The following IL1RAPL2 variants were observed in gnomAD, a reference collection of about 807,000 sequenced individuals.
IL1RAPL2 encodes the protein interleukin 1 receptor accessory protein like 2, also known as X-linked interleukin-1 receptor accessory protein-like 2.
IL1RAPL2 carries 3 observed loss-of-function variants against 44.1 expected under a neutral mutation model. The ratio of observed to expected loss-of-function variants is 0.07; its 90% confidence interval spans 0.03 to 0.18. IL1RAPL2 has a LOEUF of 0.18. IL1RAPL2 is among the 10% of genes least tolerant of loss of function. The pLI is 1.00. For missense variants in IL1RAPL2, 391 were observed against 496.4 expected (o/e 0.79, Z 2.02); for synonymous variants, 181 against 178.8 (o/e 1.01, Z -0.10).
intron 5 of IL1RAPL2, among the ~76,000 whole-genome samples, chrX:105,345,749 T>C (rs982284883): frequency 9.0e-6 from 1 of 111,486 alleles, no homozygotes; most frequent in African/African-American, 3.3e-5. Context: ...TACAACGGAA[T>C]GTGTCCTCAG....
intron 6 of IL1RAPL2, among the ~76,000 whole-genome samples, chrX:105,705,732 G>A (rs1219699371): frequency 9.0e-6 from 1 of 111,593 alleles, no homozygotes; most frequent in Non-Finnish European, 1.9e-5. Context: ...AGCTATCTTT[G>A]ATAAATTATT....
intron 2 of IL1RAPL2, among the ~76,000 whole-genome samples, chrX:104,746,541 A>G (rs1932179426): frequency 8.9e-6 from 1 of 111,825 alleles, no homozygotes; most frequent in Non-Finnish European, 1.9e-5. Flanking sequence ...GATCTGAGTG[A>G]CACTGGACAA....
chrX:105,423,381 A>G (rs1272340821), intron 5 of IL1RAPL2, among the ~76,000 whole-genome samples: 1 of 112,050 alleles, frequency 8.9e-6, no homozygotes, highest in Admixed American at 9.5e-5. Flanking sequence ...TCATTTGGCC[A>G]AAGTGATAAC....
At chrX:104,732,578 A>G (rs1234518921) in intron 2 of IL1RAPL2, among the ~76,000 whole-genome samples, 1 of 112,005 alleles carries the variant, frequency 8.9e-6, no homozygotes, top group Non-Finnish European at 1.9e-5. Context: ...CTCAAGGAAG[A>G]ATAATTAACC....
chrX:105,229,812 T>G (rs1346101650), intron 3 of IL1RAPL2, among the ~76,000 whole-genome samples: 7 of 111,562 alleles, frequency 6.3e-5, no homozygotes, highest in Non-Finnish European at 1.1e-4. Context: ...TTGTTTGTTT[T>G]TTTGAGACAG....
chrX:105,267,544 A>G lies in IL1RAPL2; in HGVS notation c.697+3A>G, dbSNP rs769657493. On this transcript the variant is annotated splice_donor_region_variant and intron_variant, in intron 5 of 10. Transcript: ENST00000372582. Reference sequence around the variant, plus strand: ...AACAACTGAATTGAAAGTTACAGGTAGGAATCAGTTCTACAAAATTACGGC... The same window carrying G: ...AACAACTGAATTGAAAGTTACAGGTGGGAATCAGTTCTACAAAATTACGGC... 2 of 1,168,978 alleles carry G rather than the reference A, an allele frequency of 1.7e-6. No homozygotes were observed. Among genetic ancestry groups the G allele is most frequent in the Admixed American group, 5.0e-5 (2 of 40,030 alleles).
chrX:104,755,458 C>T (rs558915846), intron 2 of IL1RAPL2, among the ~76,000 whole-genome samples: 1 of 109,885 alleles, frequency 9.1e-6, no homozygotes, highest in African/African-American at 3.3e-5. Context: ...AATCTGTACA[C>T]CAAATCCACG....
intron 6 of IL1RAPL2, among the ~76,000 whole-genome samples, chrX:105,603,469 T>C (rs2037269119): frequency 9.0e-6 from 1 of 111,528 alleles, no homozygotes; most frequent in African/African-American, 3.3e-5. Context: ...AAAGGATCAA[T>C]TCAGCAAGAA....
At chrX:105,747,543 CACACACACATATAT>C (rs1382300992) in intron 8 of IL1RAPL2, among the ~76,000 whole-genome samples, 140 of 99,234 alleles carry the variant, frequency 1.4e-3, no homozygotes, top group African/African-American at 4.3e-3. Context: ...TATACACACA[CACACACACATATAT>C]ACACACATAT....
chrX:105,039,193 C>T (rs763673180), intron 2 of IL1RAPL2, among the ~76,000 whole-genome samples: 2 of 111,639 alleles, frequency 1.8e-5, no homozygotes, highest in African/African-American at 6.5e-5. Context: ...ATTGATTTAG[C>T]TTAGTACAAG....
intron 6 of IL1RAPL2, among the ~76,000 whole-genome samples, chrX:105,520,923 CTTTTTTTTT>C (rs1172515228): frequency 5.7e-5 from 3 of 52,369 alleles, no homozygotes; most frequent in Non-Finnish European, 1.0e-4. Flanking sequence ...TTCTTTCTTT[CTTTTTTTTT>C]TTTTTTTTTT....
At chrX:105,484,240 T>C (rs1218460964) in intron 5 of IL1RAPL2, 73 bp from the exon 6 acceptor site, 4 of 768,221 alleles carry the variant, frequency 5.2e-6, no homozygotes, top group Non-Finnish European at 8.1e-6. Context: ...TTAAATATCA[T>C]ACATGATAGA....
intron 6 of IL1RAPL2, among the ~76,000 whole-genome samples, chrX:105,503,868 C>A (rs2036413124): frequency 9.0e-6 from 1 of 111,683 alleles, no homozygotes; most frequent in African/African-American, 3.3e-5. Context: ...GCATTTTCTC[C>A]TTGTGTCTCC....
At chrX:104,733,721 T>C (rs6523794) in intron 2 of IL1RAPL2, among the ~76,000 whole-genome samples, 59,412 of 107,699 alleles carry the variant, frequency 0.55, 13,233 homozygotes, top group African/African-American at 0.83. Flanking sequence ...AAATAGAAAA[T>C]ACAATACTAT....
At chrX:104,852,499 T>C (rs1922252844) in intron 2 of IL1RAPL2, among the ~76,000 whole-genome samples, 1 of 112,162 alleles carries the variant, frequency 8.9e-6, no homozygotes. Context: ...TATAGCCTCC[T>C]CCAGTTCTAT....
intron 2 of IL1RAPL2, among the ~76,000 whole-genome samples, chrX:104,905,785 G>C (rs1218851000): frequency 2.7e-5 from 3 of 111,130 alleles, no homozygotes; most frequent in East Asian, 5.7e-4. Flanking sequence ...TTGGCGATCT[G>C]GGCTCTTTTT....
At chrX:105,284,942 A>G (rs1412108421) in intron 5 of IL1RAPL2, among the ~76,000 whole-genome samples, 2 of 111,809 alleles carry the variant, frequency 1.8e-5, no homozygotes, top group Non-Finnish European at 3.8e-5. Context: ...AGAATAATTC[A>G]TATACTTAGC....
chrX:105,382,424 C>T (rs1292015236), intron 5 of IL1RAPL2, among the ~76,000 whole-genome samples: 1 of 109,499 alleles, frequency 9.1e-6, no homozygotes, highest in Non-Finnish European at 1.9e-5. Context: ...AATGAGATAC[C>T]ACTTCACACC....
rs1268587046 is a variant in IL1RAPL2, at chrX:104,843,530, G to A, written c.82+184535G>A. On this transcript the variant is annotated intron_variant, in intron 2 of 10. Coordinates refer to ENST00000372582, the MANE Select transcript of IL1RAPL2 (RefSeq NM_017416.2). ...TTTGTGCTTGAAACCCAGGGCCCTG[G>A]TTGTATATGCTCACAAGGGACTCTG... is the stretch of plus-strand genomic sequence containing the variant. Among the ~76,000 whole-genome samples the A allele has an allele frequency of 4.5e-5, 5 of 111,220 alleles. 1 individual carries two copies. The highest frequency in any genetic ancestry group is 9.4e-5 in the Non-Finnish European group (5 of 52,991).
Sources: gnomAD v4.1 joint callset for allele counts (sites outside exome capture counted in the v4.1 genomes callset) on GRCh38, gnomAD v4.1.1 for gene constraint, MANE v1.5 for transcripts, NCBI Gene and HGNC (gene_info 2026-07-23, HGNC 2026-07-21) for gene names.